ATP10B: variants seen among roughly 807,000 people sequenced by gnomAD.
ATP10B encodes ATPase phospholipid transporting 10B (putative), also known as phospholipid-transporting ATPase VB.
In ATP10B, 122 loss-of-function variants were observed where a neutral mutation model predicts 141.2. The observed-to-expected ratio is 0.86, with a 90% CI of 0.75 to 1.00. The LOEUF is 1.00. Among genes scored for constraint, ATP10B ranks in the 50% least tolerant of loss-of-function variants. ATP10B has a pLI of 0.00. For missense variants in ATP10B, 1,876 were observed against 1,825.3 expected (o/e 1.03, Z -0.51); for synonymous variants, 685 against 692.0 (o/e 0.99, Z 0.16).
At chr5:160,667,088 G>T (rs542049179) in intron 7 of ATP10B, among the ~76,000 whole-genome samples, 3 of 152,032 alleles carry the variant, frequency 2.0e-5, no homozygotes, top group African/African-American at 7.2e-5. Context: ...CGTGGTGGCC[G>T]GCACCTGTAG....
chr5:160,596,727 C>A (rs572299742), intron 22 of ATP10B, among the ~76,000 whole-genome samples: 2 of 152,112 alleles, frequency 1.3e-5, no homozygotes, highest in African/African-American at 4.8e-5. Context: ...GCGAAAATCA[C>A]AAGCATTCCT....
intron 24 of ATP10B, among the ~76,000 whole-genome samples, chr5:160,573,972 G>A (rs1755040254): frequency 6.6e-6 from 1 of 152,164 alleles, no homozygotes; most frequent in Non-Finnish European, 1.5e-5. Flanking sequence ...TCTGAGGTAT[G>A]TACTTAGAAT....
intron 2 of ATP10B, among the ~76,000 whole-genome samples, chr5:160,731,748 T>G (rs1766756251): frequency 6.6e-6 from 1 of 152,172 alleles, no homozygotes; most frequent in Non-Finnish European, 1.5e-5. Flanking sequence ...TACTCCAAGT[T>G]CTGTCGGCCC....
intron 3 of ATP10B, among the ~76,000 whole-genome samples, chr5:160,696,350 C>T (rs1407124588): frequency 6.6e-6 from 1 of 152,020 alleles, no homozygotes; most frequent in Non-Finnish European, 1.5e-5. Context: ...CTCAGGTGAT[C>T]CACCCACCTC....
Position 160,620,440 on chromosome 5 carries a change from C to A in ATP10B, c.2323G>T (p.Val775Leu). The A allele has an allele frequency of 6.2e-7, 1 of 1,614,252 alleles. No homozygotes were observed. The highest frequency in any genetic ancestry group is 8.5e-7 in the Non-Finnish European group (1 of 1,180,050). The change falls in exon 15 of 26, where the codon GTG becomes TTG. Residue 775 changes from valine to leucine, a missense_variant. Transcript: ENST00000327245. ...GFDSVRKRMS[V>L]VVRHPLTGEI... is the part of the protein sequence containing the mutation. The stretch of plus-strand genomic sequence containing the variant: ...CCAGTCAGTGGGTGCCTCACAACCA[C>A]AGACATTCTCTTCCTGACAGAGTCA...
intron 19 of ATP10B, among the ~76,000 whole-genome samples, chr5:160,604,269 C>CT (rs1353482653): frequency 1.3e-5 from 2 of 152,130 alleles, no homozygotes; most frequent in Admixed American, 6.5e-5. Flanking sequence ...TACCAAGTGT[C>CT]TTTTTTTCTA....
chr5:160,620,679 G>A lies in ATP10B; in HGVS notation c.2084C>T (p.Ser695Leu). The A allele has an allele frequency of 6.2e-7, 1 of 1,613,910 alleles. No individual in the cohort carries two copies. Among genetic ancestry groups the A allele is most frequent in the African/African-American group, 1.3e-5 (1 of 75,058 alleles). ...CAATGCCTCCTCCAAGGAAGTGCCT[G>A]ACCCAGACTCCAGGATGTCGCCCTG... ...WDQGDILESG[S>L]GTSLEEALEA... The change falls in exon 15 of 26, where the codon TCA becomes TTA. Residue 695 changes from serine to leucine, a missense_variant. Physicochemically the swap from Ser to Leu is moderately radical, Grantham distance 145. Coordinates refer to ENST00000327245, the MANE Select transcript of ATP10B (RefSeq NM_025153.3).
chr5:160,894,972 A>G, the ATP10B span, among the ~76,000 whole-genome samples: 3 of 152,224 alleles, frequency 2.0e-5, no homozygotes, highest in Admixed American at 6.5e-5. Flanking sequence ...TAAGTGAAGG[A>G]GAAATAAAAT....
chr5:160,882,160 T>C, the ATP10B span, among the ~76,000 whole-genome samples: 1 of 152,160 alleles, frequency 6.6e-6, no homozygotes, highest in Non-Finnish European at 1.5e-5. Context: ...AAATGTTTTT[T>C]GTGATACTAT....
intron 6 of ATP10B, among the ~76,000 whole-genome samples, chr5:160,680,090 GTA>G (rs949146195): frequency 3.9e-5 from 6 of 152,054 alleles, no homozygotes; most frequent in African/African-American, 1.4e-4. Flanking sequence ...TCTGCTGTTT[GTA>G]AAAAGACATT....
intron 3 of ATP10B, among the ~76,000 whole-genome samples, chr5:160,699,449 C>G (rs1298900959): frequency 9.2e-5 from 14 of 152,146 alleles, no homozygotes; most frequent in Admixed American, 9.2e-4. Flanking sequence ...GACAATAGTA[C>G]ACATTGACTG....
rs59126994 is a variant in ATP10B, at chr5:160,606,132, C to T, written c.3160+633G>A. On this transcript the variant is annotated intron_variant, in intron 19 of 25. Coordinates refer to ENST00000327245, the MANE Select transcript of ATP10B (RefSeq NM_025153.3). ...TATGGCTGAGGGTAACAGAAGATCA[C>T]GAAGATTCTTTTAAACCAGGTTTGG... Among the ~76,000 whole-genome samples, 954 of 152,286 alleles carry T rather than the reference C, an allele frequency of 6.3e-3. 11 individuals are homozygous for T. The highest frequency in any genetic ancestry group is 0.021 in the African/African-American group (882 of 41,556).
At chr5:160,574,208 T>C (rs1452208004) in intron 24 of ATP10B, among the ~76,000 whole-genome samples, 1 of 152,186 alleles carries the variant, frequency 6.6e-6, no homozygotes, top group African/African-American at 2.4e-5. Flanking sequence ...GGTGGGTGGA[T>C]CACTTGAGGT....
At chr5:160,841,858 G>A (rs1011975793) in intron 1 of ATP10B, among the ~76,000 whole-genome samples, 1 of 152,116 alleles carries the variant, frequency 6.6e-6, no homozygotes, top group African/African-American at 2.4e-5. Flanking sequence ...CCAAGTAGCT[G>A]GGATTACAGG....
chr5:160,838,648 G>GA (rs555464107), intron 1 of ATP10B, among the ~76,000 whole-genome samples: 1 of 151,740 alleles, frequency 6.6e-6, no homozygotes. Flanking sequence ...CATACTTTGA[G>GA]AAAAAAAAGT....
In ATP10B at chr5:160,592,714, T is replaced by A. The variant is rs1756400901; in HGVS notation, c.3565-1575A>T. On this transcript the variant is annotated intron_variant, in intron 22 of 25. Coordinates refer to ENST00000327245, the MANE Select transcript of ATP10B (RefSeq NM_025153.3). The stretch of plus-strand genomic sequence containing the variant: ...GAAAATCGGGTCACTCCCACCCTAA[T>A]ACTGTGCTTTTCCAACAGGCTTAAA... Among the ~76,000 whole-genome samples, 2 of 152,232 alleles carry A rather than the reference T, an allele frequency of 1.3e-5. 1 individual carries two copies. Among genetic ancestry groups the A allele is most frequent in the South Asian group, 4.1e-4 (2 of 4,836 alleles).
chr5:160,804,450 ATCT>A (rs1772632202), intron 1 of ATP10B, among the ~76,000 whole-genome samples: 1 of 152,176 alleles, frequency 6.6e-6, no homozygotes, highest in African/African-American at 2.4e-5. Context: ...CTGTGCTAGG[ATCT>A]TCACGTGCAT....
rs1029439236 is a variant in ATP10B at position 160,673,533 on chromosome 5, G to T, written c.471-2866C>A. Among the ~76,000 whole-genome samples the T allele has an allele frequency of 5.5e-3, 826 of 150,110 alleles. 11 individuals are homozygous for T. The highest frequency in any genetic ancestry group is 9.6e-3 in the Non-Finnish European group (648 of 67,348). On this transcript the variant is annotated intron_variant, in intron 6 of 25. Transcript: ENST00000327245. Reference sequence around the variant, plus strand: ...GGTCTTAATCATTCTATTTTGTTTTGTTTTTTTTTTTTTTTTTTGGTACCC... The same window carrying T: ...GGTCTTAATCATTCTATTTTGTTTTTTTTTTTTTTTTTTTTTTTGGTACCC...
intron 7 of ATP10B, among the ~76,000 whole-genome samples, chr5:160,655,261 TGATA>T (rs1470128594): frequency 6.6e-6 from 1 of 152,152 alleles, no homozygotes; most frequent in African/African-American, 2.4e-5. Flanking sequence ...GACATTTTTT[TGATA>T]ATTTTTATTT....
Sources: gnomAD v4.1 joint callset for allele counts (sites outside exome capture counted in the v4.1 genomes callset) on GRCh38, gnomAD v4.1.1 for gene constraint, MANE v1.5 for transcripts, NCBI Gene and HGNC (gene_info 2026-07-23, HGNC 2026-07-21) for gene names.